The following CCDC150 variants were observed in gnomAD, a reference collection of about 807,000 sequenced individuals.
The protein encoded by CCDC150 is coiled-coil domain containing 150.
Under a neutral mutation model 156.5 loss-of-function variants are expected in CCDC150, and 151 were observed. That is an observed-to-expected ratio of 0.97 (90% CI 0.85 to 1.10). The LOEUF is 1.10. CCDC150 is among the 50% of genes least tolerant of loss of function. The pLI is 0.00. For missense variants in CCDC150, 1,312 were observed against 1,268.1 expected, an observed-to-expected ratio of 1.03 and a Z score of -0.53; for synonymous variants, 452 against 429.4, an observed-to-expected ratio of 1.05 and a Z score of -0.65.
chr2:196,656,838 A>T lies in CCDC150; in HGVS notation c.382A>T (p.Asn128Tyr), dbSNP rs1164505767. ...TCGGCTGCAAACTGAAAAGGATTTG[A>T]ATCCTCAGAAAACAGGTATAGAGAT... ...IFRLQTEKDL[N>Y]PQKTAFLKDR... The change falls in exon 3 of 28, where the codon AAT becomes TAT. Residue 128 changes from asparagine (N) to tyrosine (Y), a missense_variant. Transcript: ENST00000389175. 6.2e-7 allele frequency: 1 copy of T among 1,613,878 alleles called. No individual in the cohort carries two copies. Among genetic ancestry groups the T allele is most frequent in the South Asian group, 1.1e-5 (1 of 91,084 alleles).
At chr2:196,681,396 A>C (rs1410586268) in intron 13 of CCDC150, among the ~76,000 whole-genome samples, 1 of 152,100 alleles carries the variant, frequency 6.6e-6, no homozygotes, top group Non-Finnish European at 1.5e-5. Flanking sequence ...GAACATTTAC[A>C]CTGTTTTTAC....
intron 26 of CCDC150, 46 bp from the exon 27 acceptor site, chr2:196,731,987 G>C: frequency 6.3e-7 from 1 of 1,580,080 alleles, no homozygotes; most frequent in Non-Finnish European, 8.6e-7. Context: ...AAAAAAACTT[G>C]TAACTCTTTC....
intron 2 of CCDC150, among the ~76,000 whole-genome samples, chr2:196,655,123 AGCAGGCATTATTTATCTGCACTAAG>A (rs1693112731): frequency 6.6e-6 from 1 of 152,370 alleles, no homozygotes; most frequent in East Asian, 1.9e-4. Context: ...ACTGCGCTAA[AGCAGGCATTATTTATCTGCACTAAG>A]GCAGGCATTT....
rs556542166 is a variant in CCDC150 at position 196,642,253 on chromosome 2, A to C, written c.12+2475A>C. On this transcript the variant is annotated intron_variant, in intron 1 of 27. Transcript: ENST00000389175. Reference sequence around the variant, plus strand: ...GCTGTTGTCTCTTTGCTAGAATGTCAGCCATTAGAGGTAGATTGTTTTCAT... The same window carrying C: ...GCTGTTGTCTCTTTGCTAGAATGTCCGCCATTAGAGGTAGATTGTTTTCAT... 2.0e-5 allele frequency among the ~76,000 whole-genome samples: 3 copies of C among 152,350 alleles called. No homozygotes were observed. In the East Asian group the frequency reaches 5.8e-4, roughly 29 times the overall value.
intron 15 of CCDC150, among the ~76,000 whole-genome samples, chr2:196,702,785 CAG>C (rs1312373890): frequency 6.6e-6 from 1 of 151,746 alleles, no homozygotes; most frequent in Non-Finnish European, 1.5e-5. Context: ...GTTGCTATAA[CAG>C]AATGTCTGAG....
At chr2:196,695,275 A>ATGC in intron 14 of CCDC150, 116 bp downstream of exon 14, 1 of 554,442 alleles carries the variant, frequency 1.8e-6, no homozygotes, top group Non-Finnish European at 3.2e-6. Flanking sequence ...TTAAAAATCT[A>ATGC]AGCAGAGATT....
chr2:196,728,771 TC>T (rs1432233656), intron 22 of CCDC150, among the ~76,000 whole-genome samples: 2 of 152,204 alleles, frequency 1.3e-5, no homozygotes, highest in Admixed American at 1.3e-4. Context: ...TCTACTTCTT[TC>T]TTTATATGAT....
At chr2:196,695,200 A>G (rs757882891) in intron 14 of CCDC150, 41 bp downstream of exon 14, 3 of 1,058,576 alleles carry the variant, frequency 2.8e-6, no homozygotes, top group Admixed American at 4.0e-5. Flanking sequence ...ATTAATGACT[A>G]ATGAGTTCAG....
At chr2:196,687,923 A>T (rs1695212658) in intron 13 of CCDC150, among the ~76,000 whole-genome samples, 2 of 151,958 alleles carry the variant, frequency 1.3e-5, no homozygotes, top group Non-Finnish European at 2.9e-5. Context: ...GTGTGGTCTT[A>T]TTTCTGGGTT....
At chr2:196,690,084 A>G (rs1288438436) in intron 13 of CCDC150, among the ~76,000 whole-genome samples, 1 of 152,098 alleles carries the variant, frequency 6.6e-6, no homozygotes, top group Non-Finnish European at 1.5e-5. Flanking sequence ...AGGGACATGG[A>G]TGAAATTGGA....
intron 15 of CCDC150, among the ~76,000 whole-genome samples, chr2:196,709,824 T>A (rs981616621): frequency 2.0e-5 from 3 of 152,192 alleles, no homozygotes; most frequent in Admixed American, 1.3e-4. Context: ...TTTGCCTGGG[T>A]ATCACCACCG....
At chr2:196,716,138 A>C (rs1369138786) in intron 17 of CCDC150, among the ~76,000 whole-genome samples, 1 of 152,238 alleles carries the variant, frequency 6.6e-6, no homozygotes, top group Non-Finnish European at 1.5e-5. Flanking sequence ...AATGCAAATA[A>C]AATCACAGTG....
intron 9 of CCDC150, among the ~76,000 whole-genome samples, chr2:196,673,400 G>A (rs1017812634): frequency 6.6e-6 from 1 of 152,126 alleles, no homozygotes; most frequent in Non-Finnish European, 1.5e-5. Flanking sequence ...TCTCTGTTTC[G>A]TCCCCAGGTA....
intron 20 of CCDC150, 27 bp downstream of exon 20, chr2:196,720,695 A>C: frequency 1.3e-6 from 2 of 1,581,086 alleles, no homozygotes; most frequent in Non-Finnish European, 1.7e-6. Context: ...AAAAAATGAT[A>C]ACATTGATAT....
At chr2:196,642,140 T>G (rs1692266513) in intron 1 of CCDC150, among the ~76,000 whole-genome samples, 1 of 152,246 alleles carries the variant, frequency 6.6e-6, no homozygotes, top group Non-Finnish European at 1.5e-5. Flanking sequence ...ATTTTTATTA[T>G]TGTTACTATC....
chr2:196,666,292 A>G (rs865862589), intron 6 of CCDC150, among the ~76,000 whole-genome samples: 1 of 152,348 alleles, frequency 6.6e-6, no homozygotes, highest in African/African-American at 2.4e-5. Context: ...GGATGACATA[A>G]TCTTTATTAT....
At chr2:196,676,096 A>C (rs1367647228) in intron 10 of CCDC150, 47 bp from the exon 11 acceptor site, 1 of 1,604,362 alleles carries the variant, frequency 6.2e-7, no homozygotes, top group South Asian at 1.1e-5. Context: ...CACCCTATCA[A>C]AAGACTTTGT....
intron 9 of CCDC150, among the ~76,000 whole-genome samples, 188 bp downstream of exon 9, chr2:196,672,625 A>G (rs1694270050): frequency 6.6e-6 from 1 of 152,160 alleles, no homozygotes; most frequent in Non-Finnish European, 1.5e-5. Flanking sequence ...TTCGCTCTCC[A>G]AATTCCTATG....
chr2:196,683,995 T>G (rs1466942923), intron 13 of CCDC150, among the ~76,000 whole-genome samples: 4 of 152,072 alleles, frequency 2.6e-5, no homozygotes. Context: ...ATCTTATTTC[T>G]GCGTTAATCT....
Sources: allele counts gnomAD v4.1 joint callset (sites outside exome capture counted in the v4.1 genomes callset), GRCh38; gene constraint gnomAD v4.1.1; transcripts MANE v1.5; gene names NCBI Gene and HGNC (gene_info 2026-07-23, HGNC 2026-07-21).